The following CDH12 variants were observed in gnomAD, a reference collection of about 807,000 sequenced individuals.
The protein encoded by CDH12 is cadherin-12.
A neutral mutation model predicts 74.1 loss-of-function variants in CDH12; 41 were observed. The observed-to-expected ratio is 0.55, with a 90% CI of 0.43 to 0.72. CDH12 has a LOEUF of 0.72. Among genes scored for constraint, CDH12 ranks in the 30% least tolerant of loss-of-function variants. CDH12 has a pLI of 0.00. For synonymous variants in CDH12, 399 were observed against 355.0 expected (o/e 1.12, Z -1.39); for missense variants, 945 against 977.2 (o/e 0.97, Z 0.44).
intron 5 of CDH12, among the ~76,000 whole-genome samples, chr5:22,045,313 G>GA (rs1580163156): frequency 6.6e-6 from 1 of 152,192 alleles, no homozygotes; most frequent in Admixed American, 6.5e-5. Context: ...AGGTAGTTGA[G>GA]AAAAGAGCCC....
intron 1 of CDH12, among the ~76,000 whole-genome samples, chr5:22,779,141 A>C (rs2126340096): frequency 6.6e-6 from 1 of 152,238 alleles, no homozygotes; most frequent in African/African-American, 2.4e-5. Context: ...TGTACAACTA[A>C]GTTTTTCTCT....
intron 11 of CDH12, among the ~76,000 whole-genome samples, chr5:21,770,426 C>A (rs1027506167): frequency 1.3e-5 from 2 of 151,948 alleles, no homozygotes; most frequent in Non-Finnish European, 2.9e-5. Flanking sequence ...GAGTTTGAGA[C>A]CAGTCTGGCC....
intron 3 of CDH12, among the ~76,000 whole-genome samples, chr5:22,340,539 A>AAAAAT (rs1467080699): frequency 6.6e-6 from 1 of 151,830 alleles, no homozygotes; most frequent in African/African-American, 2.4e-5. Flanking sequence ...AAAAAAAAAA[A>AAAAAT]AATCTGTTTT....
At chr5:22,605,014 A>G (rs1161568064) in intron 1 of CDH12, among the ~76,000 whole-genome samples, 1 of 152,082 alleles carries the variant, frequency 6.6e-6, no homozygotes, top group African/African-American at 2.4e-5. Context: ...AATTTTATGT[A>G]TCAACTTGGA....
intron 3 of CDH12, among the ~76,000 whole-genome samples, chr5:22,213,029 T>A (rs1037718505): frequency 3.3e-5 from 5 of 152,174 alleles, no homozygotes; most frequent in Non-Finnish European, 7.3e-5. Context: ...GGTGCCTTCG[T>A]GTAAGATATT....
intron 1 of CDH12, among the ~76,000 whole-genome samples, chr5:22,842,332 G>GA (rs1434953644): frequency 1.3e-5 from 2 of 152,062 alleles, no homozygotes; most frequent in South Asian, 2.1e-4. Flanking sequence ...GCAACATAAG[G>GA]AAAAAATCAA....
intron 3 of CDH12, among the ~76,000 whole-genome samples, chr5:22,316,211 A>C (rs900835999): frequency 6.6e-6 from 1 of 152,132 alleles, no homozygotes; most frequent in Non-Finnish European, 1.5e-5. Flanking sequence ...GACTAAAAAA[A>C]AGAGAATGCT....
In CDH12 at chr5:22,390,014, T is replaced by TACACAC. The variant is rs70959727; in HGVS notation, c.-333+15237_-333+15242dup. On this transcript the variant is annotated intron_variant, in intron 3 of 14. Transcript: ENST00000382254. ...AGATTTGATGAAAATGTAGTCAGAATACACACACACACACACACACACATG... is the reference window on the plus strand; with the variant it reads ...AGATTTGATGAAAATGTAGTCAGAATACACACACACACACACACACACACACACATG... 8.3e-3 allele frequency among the ~76,000 whole-genome samples: 1,247 copies of TACACAC among 149,956 alleles called. 14 individuals carry two copies. Among genetic ancestry groups the TACACAC allele is most frequent in the East Asian group, 0.044 (221 of 5,076 alleles).
chr5:22,801,493 C>T (rs547688361), intron 1 of CDH12, among the ~76,000 whole-genome samples: 1 of 151,888 alleles, frequency 6.6e-6, no homozygotes, highest in Non-Finnish European at 1.5e-5. Flanking sequence ...TTTCAATTAT[C>T]TTTCGTTTCC....
intron 3 of CDH12, among the ~76,000 whole-genome samples, chr5:22,327,013 G>A (rs1739139671): frequency 6.6e-6 from 1 of 152,014 alleles, no homozygotes; most frequent in African/African-American, 2.4e-5. Context: ...AATAAATTTG[G>A]GGGATTTTTT....
chr5:22,483,763 T>TATATATATATATATATATATATATAA (rs902754630), intron 2 of CDH12, among the ~76,000 whole-genome samples: 1,760 of 91,668 alleles, frequency 0.019, 221 homozygotes, highest in Non-Finnish European at 0.032. Context: ...TATATATATA[T>TATATATATATATATATATATATATAA]AAATTTAATT....
chr5:22,153,236 A>G (rs1352873834), intron 4 of CDH12, among the ~76,000 whole-genome samples: 1 of 148,008 alleles, frequency 6.8e-6, no homozygotes, highest in Non-Finnish European at 1.5e-5. Context: ...GGCTGCACCA[A>G]TCTATATTCC....
chr5:22,624,903 A>T (rs1214589938), intron 1 of CDH12, among the ~76,000 whole-genome samples: 3 of 152,214 alleles, frequency 2.0e-5, no homozygotes, highest in Admixed American at 1.3e-4. Flanking sequence ...AAGACTTGGA[A>T]CCAACCCAAA....
intron 1 of CDH12, among the ~76,000 whole-genome samples, chr5:22,539,959 C>T: frequency 6.6e-6 from 1 of 152,258 alleles, no homozygotes; most frequent in African/African-American, 2.4e-5. Context: ...AATTTACTCT[C>T]TTGGCATGGA....
chr5:22,787,792 C>T (rs985111820), intron 1 of CDH12, among the ~76,000 whole-genome samples: 2 of 152,108 alleles, frequency 1.3e-5, no homozygotes, highest in African/African-American at 2.4e-5. Context: ...GGTCCTCACT[C>T]GCTGGTTTCC....
At chr5:22,574,451 G>T (rs1739684862) in intron 1 of CDH12, among the ~76,000 whole-genome samples, 1 of 151,880 alleles carries the variant, frequency 6.6e-6, no homozygotes, top group African/African-American at 2.4e-5. Context: ...CCATTTATCT[G>T]TTTAGCACCA....
intron 1 of CDH12, among the ~76,000 whole-genome samples, chr5:22,585,186 A>C (rs544435198): frequency 1.4e-4 from 22 of 152,316 alleles, no homozygotes; most frequent in African/African-American, 5.0e-4. Context: ...GGAATTCTAC[A>C]TTAGAGAATA....
At chr5:21,987,353 T>A (rs1034840835) in intron 5 of CDH12, among the ~76,000 whole-genome samples, 1 of 152,180 alleles carries the variant, frequency 6.6e-6, no homozygotes, top group Admixed American at 6.5e-5. Context: ...ATATTTGATA[T>A]ATTCACATTT....
intron 1 of CDH12, among the ~76,000 whole-genome samples, chr5:22,578,288 C>T (rs1022286343): frequency 2.0e-5 from 3 of 151,736 alleles, no homozygotes; most frequent in Admixed American, 2.0e-4. Flanking sequence ...TAAAATTGCT[C>T]ATGTTCCAAA....
Sources: gnomAD v4.1 joint callset for allele counts (sites outside exome capture counted in the v4.1 genomes callset) on GRCh38, gnomAD v4.1.1 for gene constraint, MANE v1.5 for transcripts, NCBI Gene and HGNC (gene_info 2026-07-23, HGNC 2026-07-21) for gene names.